Variants in CSMD1 observed in about 807,000 individuals in gnomAD.
The protein encoded by CSMD1 is CUB and sushi domain-containing protein 1.
Under a neutral mutation model 417.5 loss-of-function variants are expected in CSMD1, and 213 were observed. That is an observed-to-expected ratio of 0.51 (90% CI 0.46 to 0.57). The LOEUF is 0.57. Among genes scored for constraint, CSMD1 ranks in the 20% least tolerant of loss-of-function variants. The probability of loss-of-function intolerance (pLI) is 0.00; values close to 1 mark genes in which losing one functional copy is unlikely to be tolerated. For synonymous variants in CSMD1, 2,862 were observed against 1,736.8 expected (o/e 1.65, Z -16.11); for missense variants, 6,923 against 4,529.7 (o/e 1.53, Z -15.17).
intron 40 of CSMD1, among the ~76,000 whole-genome samples, chr8:3,148,602 G>T (rs553927290): frequency 4.6e-5 from 7 of 152,334 alleles, no homozygotes; most frequent in Admixed American, 1.3e-4. Context: ...AGAAATTAAA[G>T]AAGGCCATGA....
chr8:3,373,832 G>T (rs1045479627), intron 18 of CSMD1: 1 of 152,134 alleles, frequency 6.6e-6, no homozygotes, highest in African/African-American at 2.4e-5. Context: ...AAGGATGCAG[G>T]TATGTTACAT....
intron 5 of CSMD1, among the ~76,000 whole-genome samples, chr8:3,955,251 G>T (rs145011567): frequency 7.9e-5 from 12 of 152,108 alleles, no homozygotes; most frequent in Admixed American, 7.8e-4. Context: ...GATCCCACCG[G>T]CAATGCCAAC....
At chr8:3,722,329 T>C (rs1802229532) in intron 6 of CSMD1, among the ~76,000 whole-genome samples, 1 of 152,102 alleles carries the variant, frequency 6.6e-6, no homozygotes. Flanking sequence ...TAAATAGATA[T>C]AATAGCTTGA....
chr8:3,829,724 T>C (rs568133557), intron 5 of CSMD1, among the ~76,000 whole-genome samples: 4 of 152,348 alleles, frequency 2.6e-5, no homozygotes, highest in East Asian at 1.9e-4. Context: ...TTTCTTCCTG[T>C]AGCAGTTCTC....
intron 42 of CSMD1, 113 bp from the exon 43 acceptor site, chr8:3,110,448 G>C (rs7012429): frequency 0.16 from 133,540 of 825,102 alleles, 16,031 homozygotes; most frequent in African/African-American, 0.54. Context: ...TGGGAAATAG[G>C]TGTGAAATAT....
intron 2 of CSMD1, among the ~76,000 whole-genome samples, chr8:4,567,554 T>G (rs560226280): frequency 6.6e-6 from 1 of 152,302 alleles, no homozygotes; most frequent in East Asian, 1.9e-4. Context: ...ATTTCTTCAT[T>G]AAGTGTCTGA....
chr8:3,785,504 C>G (rs537860713), intron 5 of CSMD1, among the ~76,000 whole-genome samples: 1 of 152,182 alleles, frequency 6.6e-6, no homozygotes, highest in Non-Finnish European at 1.5e-5. Flanking sequence ...AATACATTAA[C>G]GGCAGTCAAA....
rs115457691 is a variant in CSMD1 at position 3,456,340 on chromosome 8, C to A, written c.1561+12372G>T. Among the ~76,000 whole-genome samples, 5 of 152,248 alleles carry A rather than the reference C, an allele frequency of 3.3e-5. No homozygotes were observed. The South Asian group carries it at 8.3e-4, about 25-fold the overall frequency. On this transcript the variant is annotated intron_variant, in intron 12 of 69. Coordinates refer to ENST00000635120, the MANE Select transcript of CSMD1 (RefSeq NM_033225.6). The stretch of plus-strand genomic sequence containing the variant: ...GTCCGACACTCCCCAGTGACATGAA[C>A]GAGGTACCTCAGTTAGAAATGCAGA...
intron 3 of CSMD1, among the ~76,000 whole-genome samples, chr8:4,362,369 A>G (rs1450041914): frequency 2.0e-5 from 3 of 151,710 alleles, no homozygotes; most frequent in Non-Finnish European, 4.4e-5. Context: ...CCCTGCACTC[A>G]TAGTGGTCCA....
intron 2 of CSMD1, among the ~76,000 whole-genome samples, chr8:4,439,399 G>A (rs1388554857): frequency 1.3e-5 from 2 of 152,076 alleles, no homozygotes; most frequent in South Asian, 2.1e-4. Flanking sequence ...CTTATTTCAC[G>A]TACGTTTATT....
intron 19 of CSMD1, among the ~76,000 whole-genome samples, chr8:3,368,974 CT>C (rs1407022804): frequency 6.6e-6 from 1 of 152,092 alleles, no homozygotes; most frequent in Non-Finnish European, 1.5e-5. Flanking sequence ...GAATAGATGC[CT>C]TTATTCCTTA....
At chr8:3,052,763 T>C (rs895302536) in intron 49 of CSMD1, 116 bp from the exon 50 acceptor site, 1 of 759,264 alleles carries the variant, frequency 1.3e-6, no homozygotes. Context: ...AAATTGTGAA[T>C]TATATTTCTT....
intron 2 of CSMD1, among the ~76,000 whole-genome samples, chr8:4,599,796 G>C (rs1175029782): frequency 1.3e-5 from 2 of 152,152 alleles, no homozygotes; most frequent in Non-Finnish European, 2.9e-5. Context: ...TGTAAGCCAA[G>C]TATATTTCCT....
At chr8:4,402,428 T>C (rs533358579) in intron 3 of CSMD1, among the ~76,000 whole-genome samples, 1 of 152,274 alleles carries the variant, frequency 6.6e-6, no homozygotes, top group South Asian at 2.1e-4. Flanking sequence ...TTCCTGCAGC[T>C]GAGAGTGACT....
chr8:3,142,074 G>A (rs1350452989), intron 41 of CSMD1, among the ~76,000 whole-genome samples: 1 of 152,118 alleles, frequency 6.6e-6, no homozygotes, highest in South Asian at 2.1e-4. Context: ...TGGGATTACA[G>A]GCGTGAGCCA....
chr8:3,441,795 C>T (rs898923823), intron 12 of CSMD1, among the ~76,000 whole-genome samples: 5 of 151,940 alleles, frequency 3.3e-5, no homozygotes, highest in Admixed American at 6.6e-5. Context: ...TATATATTTA[C>T]TATGCTATAC....
chr8:4,543,087 C>G (rs1458366167), intron 2 of CSMD1, among the ~76,000 whole-genome samples: 1 of 152,132 alleles, frequency 6.6e-6, no homozygotes, highest in East Asian at 1.9e-4. Context: ...ATAGTTTTCC[C>G]TATTATCAAC....
intron 3 of CSMD1, among the ~76,000 whole-genome samples, chr8:4,041,248 A>C (rs972062556): frequency 1.3e-5 from 2 of 151,634 alleles, no homozygotes; most frequent in Non-Finnish European, 2.9e-5. Flanking sequence ...CGATCTCCTG[A>C]CCTCGTGATC....
chr8:4,589,818 T>C (rs1325641117), intron 2 of CSMD1, among the ~76,000 whole-genome samples: 1 of 152,226 alleles, frequency 6.6e-6, no homozygotes, highest in Non-Finnish European at 1.5e-5. Context: ...GTATCAAGAA[T>C]ACTTTGGCAG....
Sources: allele counts gnomAD v4.1 joint callset (sites outside exome capture counted in the v4.1 genomes callset), GRCh38; gene constraint gnomAD v4.1.1; transcripts MANE v1.5; gene names NCBI Gene and HGNC (gene_info 2026-07-23, HGNC 2026-07-21).